SCAI: variants seen among roughly 807,000 people sequenced by gnomAD.
The protein encoded by SCAI is suppressor of cancer cell invasion, also known as protein SCAI.
SCAI carries 24 observed loss-of-function variants against 92.2 expected under a neutral mutation model. The observed-to-expected ratio is 0.26, with a 90% CI of 0.19 to 0.37. The LOEUF is 0.37. Ranked by LOEUF, SCAI falls within the 10% of genes least tolerant of loss-of-function variation. The pLI, the probability that SCAI is intolerant of heterozygous loss-of-function variation, is 1.00. For missense variants in SCAI, 450 were observed against 736.2 expected (o/e 0.61, Z 4.50); for synonymous variants, 261 against 258.6 (o/e 1.01, Z -0.09).
intron 14 of SCAI, among the ~76,000 whole-genome samples, chr9:124,990,689 G>T (rs548014427): frequency 6.6e-6 from 1 of 151,208 alleles, no homozygotes; most frequent in Non-Finnish European, 1.5e-5. Context: ...AAAAATAGTG[G>T]TTAGGGGAGA....
At chr9:124,970,896 C>A (rs1181236625) in intron 17 of SCAI, among the ~76,000 whole-genome samples, 1 of 151,906 alleles carries the variant, frequency 6.6e-6, no homozygotes. Context: ...CTCACCACAA[C>A]CTCCGCCTCC....
intron 2 of SCAI, among the ~76,000 whole-genome samples, chr9:125,093,425 T>C (rs1275224348): frequency 6.6e-6 from 1 of 152,194 alleles, no homozygotes; most frequent in East Asian, 1.9e-4. Flanking sequence ...TTTCCACTGA[T>C]GGTTCACCTC....
At chr9:124,987,683 C>T (rs1011095592) in intron 14 of SCAI, among the ~76,000 whole-genome samples, 7 of 152,074 alleles carry the variant, frequency 4.6e-5, no homozygotes, top group African/African-American at 1.4e-4. Context: ...CTCTTTTGGC[C>T]GGGCATGGTG....
At chr9:125,077,959 T>C (rs1834127302) in intron 2 of SCAI, among the ~76,000 whole-genome samples, 2 of 148,120 alleles carry the variant, frequency 1.4e-5, no homozygotes, top group South Asian at 4.4e-4. Context: ...CCTCAAGTGA[T>C]CCACACCCCC....
At chr9:124,956,550 T>C (rs934824279) in intron 17 of SCAI, among the ~76,000 whole-genome samples, 3 of 152,208 alleles carry the variant, frequency 2.0e-5, no homozygotes, top group Non-Finnish European at 4.4e-5. Context: ...TTAATGTTAT[T>C]CACTCCATTA....
chr9:125,051,074 G>A (rs905711043), intron 3 of SCAI, among the ~76,000 whole-genome samples: 36 of 152,250 alleles, frequency 2.4e-4, no homozygotes, highest in African/African-American at 7.2e-4. Context: ...CCAGGCTGGA[G>A]TGCAGTGGTG....
chr9:125,056,050 A>C, intron 2 of SCAI, 43 bp from the exon 3 acceptor site: 1 of 1,468,148 alleles, frequency 6.8e-7, no homozygotes, highest in South Asian at 1.3e-5. Context: ...GGTAAAAATA[A>C]AAATAGAAAA....
At chr9:125,141,380 G>C (rs1417649106) in intron 2 of SCAI, among the ~76,000 whole-genome samples, 1 of 152,106 alleles carries the variant, frequency 6.6e-6, no homozygotes, top group Non-Finnish European at 1.5e-5. Flanking sequence ...TAGTCCTACT[G>C]GTCACATAAC....
intron 3 of SCAI, among the ~76,000 whole-genome samples, chr9:125,033,607 A>AAAGAAC (rs1293814161): frequency 1.3e-5 from 2 of 152,176 alleles, no homozygotes; most frequent in African/African-American, 2.4e-5. Context: ...ATAACTGCTA[A>AAAGAAC]TGGGTACAGG....
chr9:124,965,590 G>A (rs1163093287), intron 17 of SCAI, among the ~76,000 whole-genome samples: 1 of 152,166 alleles, frequency 6.6e-6, no homozygotes, highest in Non-Finnish European at 1.5e-5. Flanking sequence ...TTTTCATTAT[G>A]AGATAAAAAG....
At chr9:125,061,296 C>CAA (rs575719225) in intron 2 of SCAI, among the ~76,000 whole-genome samples, 3 of 141,096 alleles carry the variant, frequency 2.1e-5, no homozygotes, top group African/African-American at 5.2e-5. Context: ...GACTCCGTCT[C>CAA]AAAAAAAAAA....
At chr9:125,128,935 C>A (rs1402063540) in intron 2 of SCAI, among the ~76,000 whole-genome samples, 1 of 151,418 alleles carries the variant, frequency 6.6e-6, no homozygotes, top group Non-Finnish European at 1.5e-5. Flanking sequence ...TGGTGGTGCA[C>A]AACTTTAATC....
intron 13 of SCAI, 87 bp from the exon 14 acceptor site, chr9:124,995,102 T>A: frequency 4.2e-6 from 4 of 946,564 alleles, no homozygotes; most frequent in Non-Finnish European, 6.6e-6. Context: ...TCATATCTCC[T>A]TTGCATCATA....
At chr9:125,004,130 C>T (rs937662006) in intron 9 of SCAI, among the ~76,000 whole-genome samples, 1 of 151,898 alleles carries the variant, frequency 6.6e-6, no homozygotes, top group African/African-American at 2.4e-5. Flanking sequence ...GAACCGAAAT[C>T]GCACCATCGT....
In SCAI at chr9:125,046,196, G is replaced by GATATATATATATATATATGT. The variant is rs1554784578; in HGVS notation, c.230+9679_230+9680insACATATATATATATATATAT. ...CAACAAGTGAATAAAGAAATTGTGA[G>GATATATATATATATATATGT]ATATATATATATATATATATATATA... On this transcript the variant is annotated intron_variant, in intron 3 of 17. Transcript: ENST00000336505. 5.8e-4 allele frequency among the ~76,000 whole-genome samples: 30 copies of GATATATATATATATATATGT among 51,880 alleles called. 2 individuals are homozygous for GATATATATATATATATATGT. Among genetic ancestry groups the GATATATATATATATATATGT allele is most frequent in the Admixed American group, 1.4e-3 (6 of 4,404 alleles). The allele number at this position is 51,880 out of a possible 152,430, so 34.0% of individuals were successfully genotyped here. A position where few individuals can be genotyped will look rare whatever the true frequency, so the allele number is the denominator to read the frequency against.
At chr9:125,108,709 C>T (rs1422004710) in intron 2 of SCAI, among the ~76,000 whole-genome samples, 1 of 150,596 alleles carries the variant, frequency 6.6e-6, no homozygotes, top group East Asian at 2.0e-4. Flanking sequence ...GGAACCCCTC[C>T]GCCCGGCAGC....
At chr9:124,968,229 A>G in intron 17 of SCAI, 2 of 974,150 alleles carry the variant, frequency 2.1e-6, no homozygotes, top group Non-Finnish European at 3.1e-6. Flanking sequence ...AACAGACCTC[A>G]GCTGCATAAT....
At chr9:125,099,436 T>TA (rs1834633320) in intron 2 of SCAI, among the ~76,000 whole-genome samples, 1 of 152,120 alleles carries the variant, frequency 6.6e-6, no homozygotes, top group Non-Finnish European at 1.5e-5. Flanking sequence ...TGCGCTACCA[T>TA]GCCTGGCTAA....
At chr9:124,993,268 A>G (rs1832170878) in intron 14 of SCAI, among the ~76,000 whole-genome samples, 1 of 152,202 alleles carries the variant, frequency 6.6e-6, no homozygotes, top group Non-Finnish European at 1.5e-5. Flanking sequence ...ATTTCCCACA[A>G]AAACAAAACA....
Sources: allele counts gnomAD v4.1 joint callset (sites outside exome capture counted in the v4.1 genomes callset), GRCh38; gene constraint gnomAD v4.1.1; transcripts MANE v1.5; gene names NCBI Gene and HGNC (gene_info 2026-07-23, HGNC 2026-07-21).